The following TRAK1 variants were observed in gnomAD, a reference collection of about 807,000 sequenced individuals.
TRAK1 encodes the protein trafficking kinesin-binding protein 1.
A neutral mutation model predicts 92.1 loss-of-function variants in TRAK1; 33 were observed. The observed-to-expected ratio is 0.36, with a 90% CI of 0.27 to 0.48. TRAK1 has a LOEUF of 0.48. Ranked by LOEUF, TRAK1 falls within the 20% of genes least tolerant of loss-of-function variation. TRAK1 has a pLI of 0.99. For synonymous variants in TRAK1, 521 were observed against 517.3 expected, an observed-to-expected ratio of 1.01 and a Z score of -0.10; for missense variants, 1,123 against 1,257.9, an observed-to-expected ratio of 0.89 and a Z score of 1.62.
intron 13 of TRAK1, among the ~76,000 whole-genome samples, chr3:42,204,961 A>G (rs1708159963): frequency 6.6e-6 from 1 of 152,110 alleles, no homozygotes; most frequent in African/African-American, 2.4e-5. Context: ...CATGTTTAAT[A>G]TGATAAGATG....
At chr3:42,178,933 T>G (rs1703604111) in intron 3 of TRAK1, among the ~76,000 whole-genome samples, 1 of 151,832 alleles carries the variant, frequency 6.6e-6, no homozygotes, top group Admixed American at 6.6e-5. Flanking sequence ...CGAGATCATG[T>G]CACTGCACTC....
At position 42,202,509 on chromosome 3, in the gene TRAK1, C is replaced by T. The variant is rs770373680; in HGVS notation, c.1501C>T (p.Arg501Trp). The T allele has an allele frequency of 5.9e-6, 9 of 1,525,494 alleles. No individual in the cohort carries two copies. Among genetic ancestry groups the T allele is most frequent in the South Asian group, 2.6e-5 (2 of 77,724 alleles). 94.5% of individuals were successfully genotyped at this position (1,525,494 alleles called of 1,614,324 possible). ...CCACGACCTGGAGACGGCGCTGAGG[C>T]GGCTGTCCCTGCGCCGGGAGAACTA... ...GSHDLETALR[R>W]LSLRRENYLS... Residue 501 changes from arginine (R) to tryptophan (W), a missense_variant, in exon 13 of 16, where the codon CGG becomes TGG. By Grantham distance (101) the Arg-to-Trp change is moderately radical. Coordinates refer to ENST00000327628, the MANE Select transcript of TRAK1 (RefSeq NM_001042646.3). This position sits in a 1 kb window ranked among gnomAD's most constrained non-coding sequence, Gnocchi z 6.1.
At chr3:42,140,125 T>C (rs1698465284) in intron 2 of TRAK1, among the ~76,000 whole-genome samples, 2 of 152,164 alleles carry the variant, frequency 1.3e-5, no homozygotes, top group Admixed American at 1.3e-4. Context: ...CGTTGGCTCC[T>C]CAGTGCTCTG....
intron 1 of TRAK1, among the ~76,000 whole-genome samples, chr3:42,062,139 G>A (rs148288131): frequency 1.3e-3 from 192 of 152,336 alleles, no homozygotes; most frequent in African/African-American, 4.5e-3. Context: ...CAATGGACAA[G>A]TCACTCACCT....
At chr3:42,063,686 CAAA>C (rs57831151) in intron 1 of TRAK1, among the ~76,000 whole-genome samples, 6 of 107,226 alleles carry the variant, frequency 5.6e-5, no homozygotes, top group African/African-American at 1.5e-4. Flanking sequence ...ACTCTGTCTC[CAAA>C]AAAAAAAAAA....
At chr3:42,028,547 T>A (rs1253035232) in intron 1 of TRAK1, among the ~76,000 whole-genome samples, 2 of 152,054 alleles carry the variant, frequency 1.3e-5, no homozygotes, top group African/African-American at 2.4e-5. Flanking sequence ...AGAGGTGTCT[T>A]TAGGGAGGTT....
At position 42,123,551 on chromosome 3, in the gene TRAK1, T is replaced by A. The variant is rs1019875956; in HGVS notation, c.92-1869T>A. Among the ~76,000 whole-genome samples the A allele has an allele frequency of 7.2e-5, 11 of 152,284 alleles. No individual in the cohort carries two copies. In the South Asian group the frequency reaches 1.9e-3, roughly 26 times the overall value. The stretch of plus-strand genomic sequence containing the variant: ...GTCATTTCCTGTGTGTGTGCAGACA[T>A]GCACGCATGTGCGAGTGAATGCTCA... On this transcript the variant is annotated intron_variant, in intron 1 of 15. Transcript: ENST00000327628.
At chr3:42,195,049 G>A (rs1322658942) in intron 10 of TRAK1, 108 bp downstream of exon 10, 9 of 1,374,846 alleles carry the variant, frequency 6.5e-6, no homozygotes, top group African/African-American at 2.9e-5. Context: ...TTCGCTTCTC[G>A]TTGTACAGTT....
In TRAK1 at chr3:42,217,563, A is replaced by G. The variant is rs1035460804; in HGVS notation, c.1964-1931A>G. 1.4e-5 allele frequency: 14 copies of G among 985,444 alleles called. 1 individual carries two copies. The Middle Eastern group carries it at 1.6e-3, about 110-fold the overall frequency. 61.0% of individuals were successfully genotyped at this position (985,444 alleles called of 1,614,324 possible). On this transcript the variant is annotated intron_variant, in intron 14 of 15. Coordinates refer to ENST00000327628, the MANE Select transcript of TRAK1 (RefSeq NM_001042646.3). The stretch of plus-strand genomic sequence containing the variant: ...CAATATGTAAGAGGGTGGAGGAGGA[A>G]GTGAACATTTGTGACCTTTTGATTT...
chr3:42,203,210 T>G (rs1042604424), intron 13 of TRAK1: 32 of 1,109,750 alleles, frequency 2.9e-5, no homozygotes, highest in Middle Eastern at 3.8e-4. Context: ...GATTTTTTTT[T>G]CCCCATAACC....
chr3:42,212,779 G>C (rs1334844262), intron 14 of TRAK1, among the ~76,000 whole-genome samples: 6 of 152,226 alleles, frequency 3.9e-5, no homozygotes. Context: ...AAAGGATTAA[G>C]AGTTAAAGTC....
At chr3:42,024,409 C>T (rs1033941251) in intron 1 of TRAK1, among the ~76,000 whole-genome samples, 2 of 152,206 alleles carry the variant, frequency 1.3e-5, no homozygotes, top group East Asian at 3.8e-4. Flanking sequence ...CTGGCTTAGC[C>T]TTGTAAACAT....
At position 42,184,619 on chromosome 3, in the gene TRAK1, G is replaced by A. The variant is rs757499417; in HGVS notation, c.364-66G>A. 3.2e-5 allele frequency: 47 copies of A among 1,450,734 alleles called. No homozygotes were observed. The African/African-American group carries it at 4.1e-4, about 13-fold the overall frequency. The allele number at this position is 1,450,734 out of a possible 1,614,324, so 89.9% of individuals were successfully genotyped here. A position where few individuals can be genotyped will look rare whatever the true frequency, so the allele number is the denominator to read the frequency against. On this transcript the variant is annotated intron_variant, in intron 3 of 15. Transcript: ENST00000327628. ...TTATGTTTTCCTCATTTGACACTGA[G>A]CACCATTGACTCCTTCAGGAAACAC...
Position 42,208,237 on chromosome 3 carries a change from G to A in TRAK1, c.1745-1530G>A, listed in dbSNP as rs570317312. Among the ~76,000 whole-genome samples the A allele has an allele frequency of 5.9e-5, 9 of 152,032 alleles. No individual in the cohort carries two copies. The South Asian group carries it at 1.5e-3, about 25-fold the overall frequency. On this transcript the variant is annotated intron_variant, in intron 13 of 15. Coordinates refer to ENST00000327628, the MANE Select transcript of TRAK1 (RefSeq NM_001042646.3). The stretch of plus-strand genomic sequence containing the variant: ...AATTAAGTATGTTGCTATTGTACCC[G>A]TGAACCCTTAAAACTGGGATAAGCC...
At chr3:42,117,717 AG>A (rs1296085205) in intron 1 of TRAK1, among the ~76,000 whole-genome samples, 4 of 152,092 alleles carry the variant, frequency 2.6e-5, no homozygotes, top group African/African-American at 9.7e-5. Context: ...CCCTCTCTGG[AG>A]GTGGCCACCA....
intron 10 of TRAK1, among the ~76,000 whole-genome samples, chr3:42,196,817 G>C (rs534734579): frequency 6.6e-6 from 1 of 151,894 alleles, no homozygotes; most frequent in Admixed American, 6.6e-5. Flanking sequence ...CAAAGTGCTA[G>C]GATTACAGGC....
chr3:42,100,914 C>T (rs926507967), intron 1 of TRAK1, among the ~76,000 whole-genome samples: 4 of 151,970 alleles, frequency 2.6e-5, no homozygotes, highest in South Asian at 2.1e-4. Flanking sequence ...GTGATCCACC[C>T]GCCTCAGCCT....
At chr3:42,150,166 G>A (rs959850155) in intron 2 of TRAK1, among the ~76,000 whole-genome samples, 3 of 152,068 alleles carry the variant, frequency 2.0e-5, no homozygotes, top group South Asian at 4.1e-4. Context: ...AACAGAGATG[G>A]GGGTGGGGAG....
chr3:42,215,324 C>G (rs1709551044), intron 14 of TRAK1, among the ~76,000 whole-genome samples: 2 of 152,198 alleles, frequency 1.3e-5, no homozygotes, highest in South Asian at 4.1e-4. Context: ...CCTTTCCACC[C>G]CTCAAGCAAA....
Sources: gnomAD v4.1 joint callset for allele counts (sites outside exome capture counted in the v4.1 genomes callset) on GRCh38, gnomAD v4.1.1 for gene constraint, Gnocchi (gnomAD v3.1) non-coding constraint, MANE v1.5 for transcripts, NCBI Gene and HGNC (gene_info 2026-07-23, HGNC 2026-07-21) for gene names.